Variants in EPHA4 observed in about 807,000 individuals in gnomAD.
EPHA4 encodes EPH receptor A4, also known as ephrin type-A receptor 4.
EPHA4 carries 19 observed loss-of-function variants against 108.3 expected under a neutral mutation model. The ratio of observed to expected loss-of-function variants is 0.18; its 90% CI spans 0.12 to 0.26. The LOEUF is 0.26. Among genes scored for constraint, EPHA4 ranks in the 10% least tolerant of loss-of-function variants. EPHA4 has a pLI of 1.00. For missense variants in EPHA4, 917 were observed against 1,254.0 expected (o/e 0.73, Z 4.06); for synonymous variants, 449 against 455.5 (o/e 0.99, Z 0.18).
chr2:221,562,449 G>A (rs764387945), intron 3 of EPHA4, among the ~76,000 whole-genome samples: 23 of 152,080 alleles, frequency 1.5e-4, no homozygotes, highest in Admixed American at 3.3e-4. Flanking sequence ...TCAATCAAGT[G>A]GATTGCCCCA....
intron 3 of EPHA4, among the ~76,000 whole-genome samples, chr2:221,509,196 C>T (rs1339831403): frequency 6.6e-6 from 1 of 152,106 alleles, no homozygotes; most frequent in Non-Finnish European, 1.5e-5. Flanking sequence ...GGCGTGGTGG[C>T]CCCTGCCTGT....
chr2:221,462,435 T>C (rs1337618040), intron 5 of EPHA4, among the ~76,000 whole-genome samples: 1 of 152,068 alleles, frequency 6.6e-6, no homozygotes, highest in Non-Finnish European at 1.5e-5. Flanking sequence ...TGTCTCTCAT[T>C]TCTTCTTCTT....
rs944226164 is a variant in EPHA4 at position 221,545,246 on chromosome 2, G to A, written c.823+18485C>T. 1.4e-4 allele frequency among the ~76,000 whole-genome samples: 21 copies of A among 151,460 alleles called. No homozygotes were observed. The South Asian group carries it at 1.5e-3, about 11-fold the overall frequency. ...GCGGATCACGAGGTCGAGGTGGGCGGATCACGAGGTCGGGAGATCGAGACC... is the reference window on the plus strand; with the variant it reads ...GCGGATCACGAGGTCGAGGTGGGCGAATCACGAGGTCGGGAGATCGAGACC... On this transcript the variant is annotated intron_variant, in intron 3 of 17. Coordinates refer to ENST00000281821, the MANE Select transcript of EPHA4 (RefSeq NM_004438.5).
chr2:221,546,272 A>G (rs979697315), intron 3 of EPHA4, among the ~76,000 whole-genome samples: 2 of 152,150 alleles, frequency 1.3e-5, no homozygotes, highest in Admixed American at 1.3e-4. Context: ...AGGTTTGGGT[A>G]TATGAGACTT....
intron 4 of EPHA4, among the ~76,000 whole-genome samples, chr2:221,498,087 T>A (rs1210370471): frequency 6.6e-6 from 1 of 152,172 alleles, no homozygotes; most frequent in Non-Finnish European, 1.5e-5. Flanking sequence ...CATATGGCCA[T>A]CTTTGGAGGT....
At chr2:221,421,286 C>A (rs866538430) in intron 17 of EPHA4, among the ~76,000 whole-genome samples, 2 of 149,102 alleles carry the variant, frequency 1.3e-5, no homozygotes, top group African/African-American at 5.0e-5. Context: ...GGTGACAGAG[C>A]GAGACTCTGT....
Position 221,448,505 on chromosome 2 carries a change from T to C in EPHA4, c.1716-2324A>G, listed in dbSNP as rs541991688. Among the ~76,000 whole-genome samples the C allele has an allele frequency of 8.5e-5, 13 of 152,310 alleles. No individual in the cohort carries two copies. The South Asian group carries it at 2.7e-3, about 32-fold the overall frequency. On this transcript the variant is annotated intron_variant, in intron 8 of 17. Coordinates refer to ENST00000281821, the MANE Select transcript of EPHA4 (RefSeq NM_004438.5). ...TTTAAATACCCTGAAGCCAAACAAC[T>C]TTCTATAAAAGATGAAGTCTCCTCC...
At chr2:221,465,127 A>G (rs1691264732) in intron 5 of EPHA4, among the ~76,000 whole-genome samples, 1 of 152,174 alleles carries the variant, frequency 6.6e-6, no homozygotes, top group Non-Finnish European at 1.5e-5. Context: ...AGCAGTGCAC[A>G]GCCACATTAT....
intron 4 of EPHA4, among the ~76,000 whole-genome samples, chr2:221,486,534 C>T (rs1691977723): frequency 6.6e-6 from 1 of 151,836 alleles, no homozygotes; most frequent in Non-Finnish European, 1.5e-5. Flanking sequence ...TAAGACCAGC[C>T]TGGCCAATAT....
intron 11 of EPHA4, 71 bp downstream of exon 11, chr2:221,442,758 T>C (rs986023545): frequency 3.5e-5 from 53 of 1,527,178 alleles, no homozygotes; most frequent in Non-Finnish European, 4.5e-5. Flanking sequence ...GTCATTTCCC[T>C]GGAAAGAAAA....
chr2:221,563,668 C>T, intron 3 of EPHA4, 63 bp downstream of exon 3: 2 of 1,558,556 alleles, frequency 1.3e-6, no homozygotes, highest in Non-Finnish European at 1.7e-6. Flanking sequence ...CATTTAGTCT[C>T]ATCTCTGATT....
At chr2:221,474,323 T>C (rs1691593110) in intron 5 of EPHA4, among the ~76,000 whole-genome samples, 1 of 151,642 alleles carries the variant, frequency 6.6e-6, no homozygotes, top group African/African-American at 2.4e-5. Context: ...TTAATTACGA[T>C]CATAATTAGT....
chr2:221,454,031 G>C (rs1223028984), intron 8 of EPHA4, among the ~76,000 whole-genome samples: 1 of 151,864 alleles, frequency 6.6e-6, no homozygotes, highest in Non-Finnish European at 1.5e-5. Flanking sequence ...ACAAAAATTA[G>C]CTGCCAGGTG....
intron 4 of EPHA4, among the ~76,000 whole-genome samples, chr2:221,495,001 CAAAAAAAAAA>C (rs5838887): frequency 5.8e-5 from 5 of 85,502 alleles, no homozygotes; most frequent in Admixed American, 2.5e-4. Context: ...GCAATGTTGC[CAAAAAAAAAA>C]AAAAAAAAAA....
Position 221,543,468 on chromosome 2 carries a change from T to A in EPHA4, c.823+20263A>T, listed in dbSNP as rs112042750. Among the ~76,000 whole-genome samples, 610 of 152,322 alleles carry A rather than the reference T, an allele frequency of 4.0e-3. 7 individuals are homozygous for A. The highest frequency in any genetic ancestry group is 0.014 in the African/African-American group (591 of 41,574). On this transcript the variant is annotated intron_variant, in intron 3 of 17. Transcript: ENST00000281821. ...AAGCTTATAGATGATTTTGCCTATC[T>A]TTATACTTGCCTGTATTCCGCATTT... is the stretch of plus-strand genomic sequence containing the variant.
intron 5 of EPHA4, among the ~76,000 whole-genome samples, chr2:221,460,959 A>G (rs1481625314): frequency 1.3e-5 from 2 of 152,198 alleles, no homozygotes; most frequent in Admixed American, 6.5e-5. Flanking sequence ...TTTGAAAGAA[A>G]TTTCCCATTT....
At chr2:221,566,363 AAT>A (rs890650597) in intron 2 of EPHA4, among the ~76,000 whole-genome samples, 2 of 152,198 alleles carry the variant, frequency 1.3e-5, no homozygotes, top group Non-Finnish European at 1.5e-5. Flanking sequence ...ATCAAGACTC[AAT>A]ATGCTTTTAC....
chr2:221,474,321 G>A (rs1691593037), intron 5 of EPHA4, among the ~76,000 whole-genome samples: 2 of 150,526 alleles, frequency 1.3e-5, no homozygotes, highest in Non-Finnish European at 2.9e-5. Flanking sequence ...TTTTAATTAC[G>A]ATCATAATTA....
At position 221,443,098 on chromosome 2, in the gene EPHA4, T is replaced by C. The variant is rs185051601; in HGVS notation, c.1889-84A>G. On this transcript the variant is annotated intron_variant, in intron 10 of 17. Coordinates refer to ENST00000281821, the MANE Select transcript of EPHA4 (RefSeq NM_004438.5). ...ACAGCTAACATTCCTTGAGTGCTTG[T>C]TACACGCCAGGCTGTTTGCTAGTGC... 82 of 1,411,088 alleles carry C rather than the reference T, an allele frequency of 5.8e-5. No individual in the cohort carries two copies. In the African/African-American group the frequency reaches 9.5e-4, roughly 16 times the overall value. 87.4% of individuals were successfully genotyped at this position (1,411,088 alleles called of 1,614,324 possible).
Sources: gnomAD v4.1 joint callset for allele counts (sites outside exome capture counted in the v4.1 genomes callset) on GRCh38, gnomAD v4.1.1 for gene constraint, MANE v1.5 for transcripts, NCBI Gene and HGNC (gene_info 2026-07-23, HGNC 2026-07-21) for gene names.